Variants in PPP2R5A observed in about 807,000 individuals in gnomAD.
The protein encoded by PPP2R5A is serine/threonine-protein phosphatase 2A 56 kDa regulatory subunit alpha isoform.
Under a neutral mutation model 64.2 loss-of-function variants are expected in PPP2R5A, and 25 were observed. That is an observed-to-expected ratio of 0.39 (90% CI 0.28 to 0.54). The LOEUF (loss-of-function observed/expected upper bound fraction) is 0.54, where lower values mean the gene tolerates loss of function less well. PPP2R5A is among the 20% of genes least tolerant of loss of function. The pLI, the probability that PPP2R5A is intolerant of heterozygous loss-of-function variation, is 0.67. For missense variants in PPP2R5A, 425 were observed against 576.3 expected (o/e 0.74, Z 2.69); for synonymous variants, 198 against 201.2 (o/e 0.98, Z 0.13).
At chr1:212,332,976 A>C (rs370041646) in intron 2 of PPP2R5A, among the ~76,000 whole-genome samples, 1 of 150,684 alleles carries the variant, frequency 6.6e-6, no homozygotes. Context: ...ATCTCGGCTC[A>C]CTGCAACCTC....
intron 1 of PPP2R5A, among the ~76,000 whole-genome samples, chr1:212,289,609 T>C (rs1412459480): frequency 2.0e-5 from 3 of 152,160 alleles, no homozygotes; most frequent in Non-Finnish European, 4.4e-5. Context: ...TTTTAATCTT[T>C]CTAAGTCGTT....
chr1:212,348,568 G>A, intron 7 of PPP2R5A, 71 bp downstream of exon 7: 1 of 1,067,108 alleles, frequency 9.4e-7, no homozygotes, highest in Non-Finnish European at 1.4e-6. Context: ...GAGAAATTGA[G>A]AAATACTGAG....
chr1:212,346,567 T>C (rs993064259), intron 5 of PPP2R5A, among the ~76,000 whole-genome samples: 2 of 152,136 alleles, frequency 1.3e-5, no homozygotes, highest in African/African-American at 2.4e-5. Context: ...TATTTTAAAT[T>C]TGTATTTATT....
intron 1 of PPP2R5A, among the ~76,000 whole-genome samples, chr1:212,291,114 A>AT (rs200765463): frequency 3.0e-4 from 44 of 148,800 alleles, no homozygotes; most frequent in South Asian, 4.2e-4. Flanking sequence ...ATTTTATTTT[A>AT]TTTTATTTTT....
rs895792257 is a variant in PPP2R5A at position 212,351,001 on chromosome 1, G to A, written c.927+1759G>A. 3.3e-5 allele frequency among the ~76,000 whole-genome samples: 5 copies of A among 151,536 alleles called. No homozygotes were observed. The Middle Eastern group carries it at 0.01, about 311-fold the overall frequency. On this transcript the variant is annotated intron_variant, in intron 8 of 12. Transcript: ENST00000261461. ...TAAAAAAAAAAAAAAAAAATTAGCTGGGCATGGTGGCGTGTGCCTGTAATC... is the reference window on the plus strand; with the variant it reads ...TAAAAAAAAAAAAAAAAAATTAGCTAGGCATGGTGGCGTGTGCCTGTAATC...
chr1:212,322,470 A>G (rs1266654615), intron 1 of PPP2R5A, among the ~76,000 whole-genome samples: 1 of 152,220 alleles, frequency 6.6e-6, no homozygotes, highest in East Asian at 1.9e-4. Flanking sequence ...AAAATATTTC[A>G]TAATTTTTTA....
intron 3 of PPP2R5A, among the ~76,000 whole-genome samples, chr1:212,338,846 C>T (rs1659634046): frequency 6.6e-6 from 1 of 151,760 alleles, no homozygotes; most frequent in Admixed American, 6.6e-5. Context: ...CGTAGAAACA[C>T]ACCTTCTTAA....
At chr1:212,320,704 C>G (rs1376363481) in intron 1 of PPP2R5A, among the ~76,000 whole-genome samples, 1 of 113,254 alleles carries the variant, frequency 8.8e-6, no homozygotes, top group Non-Finnish European at 2.0e-5. Flanking sequence ...CCACCTCCCT[C>G]CCGGATGGGG....
chr1:212,331,418 C>T (rs1659503017), intron 2 of PPP2R5A: 1 of 150,630 alleles, frequency 6.6e-6, no homozygotes, highest in Non-Finnish European at 1.5e-5. Flanking sequence ...GTCCTCCTGT[C>T]TCGGCCTCCC....
intron 1 of PPP2R5A, among the ~76,000 whole-genome samples, chr1:212,322,680 CTT>C (rs1659329900): frequency 6.6e-6 from 1 of 152,122 alleles, no homozygotes; most frequent in African/African-American, 2.4e-5. Flanking sequence ...TGCCAAGAAA[CTT>C]AGTAAAAACA....
chr1:212,328,254 C>CCGTA, intron 1 of PPP2R5A, among the ~76,000 whole-genome samples: 1 of 152,206 alleles, frequency 6.6e-6, no homozygotes, highest in East Asian at 1.9e-4. Context: ...AGCTTCAGTA[C>CCGTA]CATAAGGAAA....
chr1:212,331,606 TATC>T (rs1659506948), intron 2 of PPP2R5A: 1 of 152,204 alleles, frequency 6.6e-6, no homozygotes, highest in Non-Finnish European at 1.5e-5. Flanking sequence ...AAGTTTTTTT[TATC>T]ATTTAAAAAG....
chr1:212,296,727 A>C (rs1029145245), intron 1 of PPP2R5A, among the ~76,000 whole-genome samples: 1 of 152,226 alleles, frequency 6.6e-6, no homozygotes. Flanking sequence ...ATGCTGTTTT[A>C]TATTTATTGA....
intron 1 of PPP2R5A, among the ~76,000 whole-genome samples, chr1:212,304,055 GTTCT>G (rs1210934004): frequency 1.1e-4 from 16 of 151,972 alleles, no homozygotes; most frequent in African/African-American, 3.4e-4. Context: ...AAGATCTTTT[GTTCT>G]TTCTTCTCTA....
Position 212,360,702 on chromosome 1 carries a change from A to G in PPP2R5A, c.1393A>G (p.Lys465Glu), listed in dbSNP as rs1660063993. The change falls in exon 13 of 13, where the codon AAA becomes GAA. Residue 465 changes from lysine to glutamate, a missense_variant. By Grantham distance (56) the Lys-to-Glu change is moderately conservative. Coordinates refer to ENST00000261461, the MANE Select transcript of PPP2R5A (RefSeq NM_006243.4). ...AAAATTAGAGGAGCTAAAGCTAAAG[A>G]AAGCTCTAGAAAAACAGAATAGTGC... ...WKKLEELKLK[K>E]ALEKQNSAYN... 2 of 1,596,336 alleles carry G rather than the reference A, an allele frequency of 1.3e-6. No homozygotes were observed. Among genetic ancestry groups the G allele is most frequent in the Admixed American group, 3.5e-5 (2 of 57,510 alleles).
At chr1:212,303,427 G>A (rs935775905) in intron 1 of PPP2R5A, among the ~76,000 whole-genome samples, 2 of 151,782 alleles carry the variant, frequency 1.3e-5, no homozygotes, top group African/African-American at 4.8e-5. Context: ...GCCCACTTTT[G>A]AATTGTTATT....
intron 2 of PPP2R5A, among the ~76,000 whole-genome samples, chr1:212,332,496 T>G (rs1249588520): frequency 1.3e-5 from 2 of 152,236 alleles, no homozygotes; most frequent in Non-Finnish European, 2.9e-5. Context: ...ACTAAGATAA[T>G]GCAAAGCATG....
rs1293460452 is a variant in PPP2R5A at position 212,285,923 on chromosome 1, G to C, written c.-188G>C. 1 of 504,664 alleles carries C rather than the reference G, an allele frequency of 2.0e-6. No homozygotes were observed. The highest frequency in any genetic ancestry group is 3.2e-6 in the Non-Finnish European group (1 of 311,216). 31.3% of individuals were successfully genotyped at this position (504,664 alleles called of 1,614,324 possible). ...GGGGACCAGGAACCTCCAGCGCTGA[G>C]ATGTGGCCGTGAGGCGTTGGCGGGC... On this transcript the variant is annotated 5_prime_UTR_variant, in exon 1 of 13. Transcript: ENST00000261461.
chr1:212,333,476 A>C, intron 2 of PPP2R5A, 21 bp from the exon 3 acceptor site: 1 of 1,429,674 alleles, frequency 7.0e-7, no homozygotes, highest in Non-Finnish European at 9.5e-7. Flanking sequence ...CAACGAACGT[A>C]AAATTATTTT....
Sources: allele counts gnomAD v4.1 joint callset (sites outside exome capture counted in the v4.1 genomes callset), GRCh38; gene constraint gnomAD v4.1.1; transcripts MANE v1.5; gene names NCBI Gene and HGNC (gene_info 2026-07-23, HGNC 2026-07-21).